The following THSD7B variants were observed in gnomAD, a reference collection of about 807,000 sequenced individuals.
THSD7B encodes thrombospondin type-1 domain-containing protein 7B.
THSD7B carries 138 observed loss-of-function variants against 213.6 expected under a neutral mutation model. The observed-to-expected ratio is 0.65, with a 90% CI of 0.56 to 0.74. The LOEUF is 0.74. THSD7B is among the 30% of genes least tolerant of loss of function. THSD7B has a pLI of 0.00. For missense variants in THSD7B, 1,931 were observed against 1,991.5 expected (o/e 0.97, Z 0.58); for synonymous variants, 742 against 687.0 (o/e 1.08, Z -1.25).
intron 12 of THSD7B, among the ~76,000 whole-genome samples, chr2:137,282,239 G>T (rs570398841): frequency 0.027 from 4,052 of 150,722 alleles, 218 homozygotes; most frequent in African/African-American, 0.095. Context: ...TTGCCCACTT[G>T]TTGATGGGGT....
chr2:137,314,390 T>G (rs1243082525), intron 12 of THSD7B, among the ~76,000 whole-genome samples: 1 of 152,216 alleles, frequency 6.6e-6, no homozygotes, highest in Non-Finnish European at 1.5e-5. Context: ...GTATTGGTTA[T>G]TCTAGTTATA....
chr2:137,463,696 C>T (rs1263685491), intron 15 of THSD7B, among the ~76,000 whole-genome samples: 2 of 152,002 alleles, frequency 1.3e-5, no homozygotes, highest in East Asian at 3.9e-4. Context: ...GGGTTTTTGC[C>T]TCACAGAGCC....
chr2:137,200,008 C>T (rs1488357819), intron 7 of THSD7B, among the ~76,000 whole-genome samples: 1 of 152,130 alleles, frequency 6.6e-6, no homozygotes, highest in Non-Finnish European at 1.5e-5. Context: ...AGAATCTTCA[C>T]ATAATTACAT....
At chr2:137,379,368 C>A (rs1685726534) in intron 12 of THSD7B, among the ~76,000 whole-genome samples, 1 of 152,158 alleles carries the variant, frequency 6.6e-6, no homozygotes, top group African/African-American at 2.4e-5. Context: ...CCCTAACAAG[C>A]AATTATGGTT....
chr2:137,211,455 T>G (rs1294761176), intron 7 of THSD7B, among the ~76,000 whole-genome samples: 2 of 151,814 alleles, frequency 1.3e-5, no homozygotes, highest in Admixed American at 6.6e-5. Flanking sequence ...GTGAAAAAAT[T>G]AAACCATCAC....
intron 12 of THSD7B, among the ~76,000 whole-genome samples, chr2:137,313,289 G>T (rs1325608944): frequency 1.3e-5 from 2 of 151,962 alleles, no homozygotes; most frequent in Non-Finnish European, 2.9e-5. Context: ...TTTGATCTTT[G>T]TTGGTTTAAA....
rs187714879 is a variant in THSD7B, at chr2:137,488,251, G to A, written c.3138+37228G>A. On this transcript the variant is annotated intron_variant, in intron 15 of 27. Coordinates refer to ENST00000409968, the MANE Select transcript of THSD7B (RefSeq NM_001316349.2). ...TCATTTCTAACACTTAAAGTATACT[G>A]TAAAATAATTATTTAATTAACTATT... Among the ~76,000 whole-genome samples the A allele has an allele frequency of 6.8e-4, 104 of 152,094 alleles. 1 individual carries two copies. The highest frequency in any genetic ancestry group is 3.4e-3 in the Middle Eastern group (1 of 290).
At chr2:137,597,699 T>C (rs535797302) in intron 17 of THSD7B, among the ~76,000 whole-genome samples, 2 of 152,200 alleles carry the variant, frequency 1.3e-5, no homozygotes, top group African/African-American at 4.8e-5. Context: ...CATATTATAA[T>C]TCCATTTTGT....
chr2:136,804,984 C>T (rs976684855), intron 1 of THSD7B, among the ~76,000 whole-genome samples: 9 of 152,038 alleles, frequency 5.9e-5, no homozygotes, highest in Admixed American at 2.0e-4. Context: ...GGGGTGATGG[C>T]GAAACAAATT....
chr2:137,620,950 T>C (rs1022825477), intron 20 of THSD7B, among the ~76,000 whole-genome samples: 4 of 152,176 alleles, frequency 2.6e-5, no homozygotes, highest in Non-Finnish European at 5.9e-5. Flanking sequence ...GAGAGGCTGA[T>C]GAAACTGTGG....
Position 137,411,615 on chromosome 2 carries a change from G to T in THSD7B, c.2702G>T (p.Ser901Ile), listed in dbSNP as rs1686654379. The T allele has an allele frequency of 1.2e-6, 2 of 1,610,190 alleles. No homozygotes were observed. ...ATGTCTCTTGTTGGAACAGGGAAAA[G>T]CAGAAAGAAGGAGAAATGCCAGGAT... ...KSRRRQLTGK[S>I]RKKEKCQDSD... Residue 901 changes from serine (S) to isoleucine (I), a missense_variant, in exon 14 of 28, where the codon AGC becomes ATC. Physicochemically the swap from Ser to Ile is moderately radical, Grantham distance 142 (BLOSUM62 -2). Transcript: ENST00000409968.
chr2:137,114,562 C>T (rs917283102), intron 4 of THSD7B, among the ~76,000 whole-genome samples: 10 of 152,066 alleles, frequency 6.6e-5, no homozygotes, highest in South Asian at 4.1e-4. Flanking sequence ...TATAGTGGCA[C>T]GGTATTAACT....
chr2:137,198,150 A>G (rs990896950), intron 7 of THSD7B, among the ~76,000 whole-genome samples: 1 of 152,202 alleles, frequency 6.6e-6, no homozygotes, highest in African/African-American at 2.4e-5. Flanking sequence ...TAATGAGTCT[A>G]CATAGTCATT....
chr2:137,571,045 G>A (rs1352879666), intron 16 of THSD7B, among the ~76,000 whole-genome samples: 1 of 152,200 alleles, frequency 6.6e-6, no homozygotes, highest in Non-Finnish European at 1.5e-5. Context: ...TTTTAACAAT[G>A]TGAACACAAC....
At chr2:136,782,825 C>G (rs772216135) in intron 1 of THSD7B, among the ~76,000 whole-genome samples, 2 of 151,910 alleles carry the variant, frequency 1.3e-5, no homozygotes, top group Non-Finnish European at 2.9e-5. Flanking sequence ...CTAGATAGAA[C>G]CATTCCACAG....
At chr2:137,107,907 A>G (rs924886129) in intron 4 of THSD7B, among the ~76,000 whole-genome samples, 1 of 152,244 alleles carries the variant, frequency 6.6e-6, no homozygotes, top group Non-Finnish European at 1.5e-5. Context: ...TAAAATGTAT[A>G]AAGCTTGATC....
chr2:137,231,507 C>A (rs1681639055), intron 8 of THSD7B, among the ~76,000 whole-genome samples: 1 of 152,244 alleles, frequency 6.6e-6, no homozygotes, highest in South Asian at 2.1e-4. Flanking sequence ...TTTACAGAAC[C>A]CTTCTTAGAC....
chr2:136,970,243 C>T (rs1348613054), intron 2 of THSD7B, among the ~76,000 whole-genome samples: 1 of 151,902 alleles, frequency 6.6e-6, no homozygotes, highest in African/African-American at 2.4e-5. Flanking sequence ...GCAGGTGGAT[C>T]GCTTAATCTC....
intron 3 of THSD7B, among the ~76,000 whole-genome samples, chr2:137,059,985 G>C (rs964202888): frequency 1.7e-4 from 26 of 152,114 alleles, no homozygotes; most frequent in South Asian, 4.1e-4. Flanking sequence ...ACTTTGCAAT[G>C]CCACCAGCAA....
Sources: allele counts gnomAD v4.1 joint callset (sites outside exome capture counted in the v4.1 genomes callset), GRCh38; gene constraint gnomAD v4.1.1; transcripts MANE v1.5; gene names NCBI Gene and HGNC (gene_info 2026-07-23, HGNC 2026-07-21).